Variants in NRXN1 observed in about 807,000 individuals in gnomAD.
NRXN1 encodes the protein neurexin 1.
NRXN1 carries 39 observed loss-of-function variants against 150.9 expected under a neutral mutation model. The observed-to-expected ratio is 0.26, with a 90% CI of 0.20 to 0.34. The LOEUF (loss-of-function observed/expected upper bound fraction) is 0.34. NRXN1 is among the 10% of genes least tolerant of loss of function. NRXN1 has a pLI of 1.00. For synonymous variants in NRXN1, 924 were observed against 757.0 expected (o/e 1.22, Z -3.62); for missense variants, 1,815 against 1,949.9 (o/e 0.93, Z 1.30).
chr2:50,471,738 A>T (rs56796303), intron 16 of NRXN1, among the ~76,000 whole-genome samples: 1 of 151,304 alleles, frequency 6.6e-6, no homozygotes, highest in African/African-American at 2.4e-5. Flanking sequence ...TGGAGGGTGG[A>T]GAGTGTGAGG....
rs949696059 is a variant in NRXN1, at chr2:49,921,691, C to T, written c.*253G>A. On this transcript the variant is annotated 3_prime_UTR_variant, in exon 23 of 23. Coordinates refer to ENST00000401669, the MANE Select transcript of NRXN1 (RefSeq NM_001330078.2). Reference sequence around the variant, plus strand: ...TAGAAATGTTCCAGCAACATAAAGACAAGCAGAGTAAATGAAAACACTGTG... The same window carrying T: ...TAGAAATGTTCCAGCAACATAAAGATAAGCAGAGTAAATGAAAACACTGTG... 34 of 487,420 alleles carry T rather than the reference C, an allele frequency of 7.0e-5. No individual in the cohort carries two copies. The East Asian group carries it at 1.2e-3, about 17-fold the overall frequency. 30.2% of individuals were successfully genotyped at this position (487,420 alleles called of 1,614,324 possible). A position where few individuals can be genotyped will look rare whatever the true frequency, so the allele number is the denominator to read the frequency against.
At chr2:50,727,445 T>C (rs1559175440) in intron 5 of NRXN1, among the ~76,000 whole-genome samples, 1 of 44,236 alleles carries the variant, frequency 2.3e-5, no homozygotes, top group Non-Finnish European at 3.7e-5. Flanking sequence ...AATGCATCAT[T>C]ACACACACAC....
chr2:50,501,685 T>G (rs1220453072), intron 13 of NRXN1, among the ~76,000 whole-genome samples: 1 of 151,608 alleles, frequency 6.6e-6, no homozygotes, highest in Non-Finnish European at 1.5e-5. Context: ...ACAGACTGGA[T>G]GATGAATTGA....
intron 5 of NRXN1, among the ~76,000 whole-genome samples, chr2:50,772,626 T>C (rs528226322): frequency 1.6e-3 from 243 of 152,210 alleles, no homozygotes; most frequent in African/African-American, 5.5e-3. Flanking sequence ...TTAAATTCTA[T>C]GGGAGCAAGC....
chr2:50,644,067 T>A (rs1408340101), intron 5 of NRXN1, among the ~76,000 whole-genome samples: 2 of 151,732 alleles, frequency 1.3e-5, no homozygotes, highest in Non-Finnish European at 2.9e-5. Context: ...TTCCCTAAAG[T>A]GTTATTATTT....
chr2:51,011,767 T>C (rs375552949), intron 2 of NRXN1, among the ~76,000 whole-genome samples: 1 of 152,030 alleles, frequency 6.6e-6, no homozygotes, highest in South Asian at 2.1e-4. Flanking sequence ...ATCTGTATTT[T>C]ATCTTTCAGC....
intron 21 of NRXN1, among the ~76,000 whole-genome samples, chr2:50,024,575 G>T (rs1688005574): frequency 6.6e-6 from 1 of 152,036 alleles, no homozygotes; most frequent in Non-Finnish European, 1.5e-5. Flanking sequence ...CAGAGAATCA[G>T]GTTTTAGTCC....
At chr2:50,466,224 T>G (rs531824130) in intron 16 of NRXN1, among the ~76,000 whole-genome samples, 1 of 151,528 alleles carries the variant, frequency 6.6e-6, no homozygotes, top group Non-Finnish European at 1.5e-5. Context: ...AACAAAGAAC[T>G]AAAAAAAGCA....
chr2:50,151,302 T>C (rs1387529026), intron 18 of NRXN1, among the ~76,000 whole-genome samples: 1 of 151,758 alleles, frequency 6.6e-6, no homozygotes, highest in Non-Finnish European at 1.5e-5. Context: ...AACCAAACAA[T>C]TCTAATCATA....
intron 5 of NRXN1, among the ~76,000 whole-genome samples, chr2:50,823,867 C>T (rs190672531): frequency 6.6e-6 from 1 of 152,060 alleles, no homozygotes; most frequent in African/African-American, 2.4e-5. Flanking sequence ...AAATTTAATT[C>T]TTGTATATTT....
At chr2:50,248,282 G>A (rs1368525907) in intron 17 of NRXN1, among the ~76,000 whole-genome samples, 1 of 152,114 alleles carries the variant, frequency 6.6e-6, no homozygotes, top group African/African-American at 2.4e-5. Context: ...CTGAAGTGCT[G>A]GGATTCTGGG....
intron 17 of NRXN1, among the ~76,000 whole-genome samples, chr2:50,248,152 T>C (rs1030075723): frequency 5.9e-5 from 9 of 151,992 alleles, no homozygotes; most frequent in African/African-American, 1.9e-4. Context: ...AGCTGGGGCT[T>C]CAGGCACATG....
At chr2:50,678,237 T>G (rs763136979) in intron 5 of NRXN1, among the ~76,000 whole-genome samples, 2 of 152,158 alleles carry the variant, frequency 1.3e-5, no homozygotes, top group Non-Finnish European at 2.9e-5. Context: ...ACCAACACAT[T>G]ATGATCAAGC....
At chr2:50,060,280 C>T (rs568150489) in intron 19 of NRXN1, among the ~76,000 whole-genome samples, 1 of 152,270 alleles carries the variant, frequency 6.6e-6, no homozygotes, top group South Asian at 2.1e-4. Flanking sequence ...GACTGCCCCA[C>T]TGTATTTCAG....
At chr2:50,260,566 A>G (rs1192842827) in intron 17 of NRXN1, among the ~76,000 whole-genome samples, 1 of 151,356 alleles carries the variant, frequency 6.6e-6, no homozygotes, top group Non-Finnish European at 1.5e-5. Context: ...TTCCTATTCA[A>G]TCACTTTTTT....
chr2:50,985,418 C>T (rs547244851), intron 2 of NRXN1: 1 of 151,600 alleles, frequency 6.6e-6, no homozygotes, highest in South Asian at 2.1e-4. Flanking sequence ...TTATCTTCAA[C>T]GTCGGTTAAT....
intron 5 of NRXN1, among the ~76,000 whole-genome samples, chr2:50,648,384 C>T (rs574233514): frequency 6.6e-6 from 1 of 151,998 alleles, no homozygotes; most frequent in African/African-American, 2.4e-5. Context: ...TTTAGCCAGG[C>T]TGACAAAATT....
At chr2:50,197,977 T>C (rs2061887667) in intron 18 of NRXN1, among the ~76,000 whole-genome samples, 1 of 152,164 alleles carries the variant, frequency 6.6e-6, no homozygotes, top group African/African-American at 2.4e-5. Flanking sequence ...TCAAATCTCT[T>C]GTCTTTTCAG....
intron 21 of NRXN1, among the ~76,000 whole-genome samples, chr2:49,953,490 A>C (rs1432361385): frequency 6.6e-6 from 1 of 151,978 alleles, no homozygotes; most frequent in African/African-American, 2.4e-5. Context: ...TCTTTAATAC[A>C]TATTTACGAT....
Sources: allele counts gnomAD v4.1 joint callset (sites outside exome capture counted in the v4.1 genomes callset), GRCh38; gene constraint gnomAD v4.1.1; transcripts MANE v1.5; gene names NCBI Gene and HGNC (gene_info 2026-07-23, HGNC 2026-07-21).